Variants in BRINP1 observed in about 807,000 individuals in gnomAD.
BRINP1 encodes the protein BMP/retinoic acid-inducible neural-specific protein 1.
In BRINP1, 17 loss-of-function variants were observed where a neutral mutation model predicts 72.9. That is an observed-to-expected ratio of 0.23 (90% CI 0.16 to 0.35). The LOEUF (loss-of-function observed/expected upper bound fraction) is 0.35, where lower values mean the gene tolerates loss of function less well. Ranked by LOEUF, BRINP1 falls within the 10% of genes least tolerant of loss-of-function variation. BRINP1 has a pLI of 1.00. For synonymous variants in BRINP1, 418 were observed against 378.5 expected (o/e 1.10, Z -1.21); for missense variants, 850 against 1,001.6 (o/e 0.85, Z 2.04).
intron 7 of BRINP1, among the ~76,000 whole-genome samples, chr9:119,174,097 G>A (rs1354853367): frequency 6.9e-6 from 1 of 145,576 alleles, no homozygotes; most frequent in Non-Finnish European, 1.5e-5. Flanking sequence ...AATGGCAACT[G>A]AAGACAAAAT....
At chr9:119,211,643 C>G (rs768964130) in intron 6 of BRINP1, among the ~76,000 whole-genome samples, 43 of 152,220 alleles carry the variant, frequency 2.8e-4, no homozygotes, top group Non-Finnish European at 5.1e-4. Context: ...TTGGGCTGGT[C>G]ATTAATCTCT....
At chr9:119,282,132 G>T (rs1047137535) in intron 2 of BRINP1, among the ~76,000 whole-genome samples, 3 of 152,102 alleles carry the variant, frequency 2.0e-5, no homozygotes, top group Non-Finnish European at 4.4e-5. Context: ...ACCCTCTGAG[G>T]GTTTGAATAG....
intron 1 of BRINP1, among the ~76,000 whole-genome samples, chr9:119,322,781 G>A (rs1256029645): frequency 1.3e-5 from 2 of 152,116 alleles, no homozygotes; most frequent in Non-Finnish European, 2.9e-5. Context: ...GACCTTCAAA[G>A]CTGAGTGACC....
At position 119,368,004 on chromosome 9, in the gene BRINP1, A is replaced by C. The variant is rs79588058; in HGVS notation, c.-51+1052T>G. ...CGAATCTGTCTTAGGAAAGTGCCCC[A>C]TCCATCTCCTTCCATATCATCCACA... is the stretch of plus-strand genomic sequence containing the variant. On this transcript the variant is annotated intron_variant, in intron 1 of 7. Coordinates refer to ENST00000265922, the MANE Select transcript of BRINP1 (RefSeq NM_014618.3). This position sits in a 1 kb window ranked among gnomAD's most constrained non-coding sequence, Gnocchi z 4.7. 0.11 allele frequency among the ~76,000 whole-genome samples: 16,510 copies of C among 152,228 alleles called. 1,169 individuals are homozygous for C. Among genetic ancestry groups the C allele is most frequent in the Middle Eastern group, 0.15 (45 of 294 alleles).
At chr9:119,255,885 G>A (rs1830441388) in intron 2 of BRINP1, among the ~76,000 whole-genome samples, 1 of 150,298 alleles carries the variant, frequency 6.7e-6, no homozygotes, top group Admixed American at 6.6e-5. Flanking sequence ...AACCCGGGAG[G>A]CGGAGGCTGC....
At chr9:119,232,264 A>G (rs949437108) in intron 5 of BRINP1, among the ~76,000 whole-genome samples, 3 of 152,148 alleles carry the variant, frequency 2.0e-5, no homozygotes, top group African/African-American at 7.2e-5. Context: ...CTTCATTGCA[A>G]CTGTCATGAT....
chr9:119,178,914 G>T (rs745575638), intron 7 of BRINP1, among the ~76,000 whole-genome samples: 1 of 152,152 alleles, frequency 6.6e-6, no homozygotes, highest in Non-Finnish European at 1.5e-5. Context: ...GAAAAATACT[G>T]AAAGTTTGAG....
intron 7 of BRINP1, among the ~76,000 whole-genome samples, chr9:119,198,756 C>G (rs988704527): frequency 2.0e-5 from 3 of 151,708 alleles, no homozygotes; most frequent in African/African-American, 7.3e-5. Context: ...ACTGCAATCT[C>G]CGCCTCCCAG....
chr9:119,300,057 C>G (rs1183937613), intron 2 of BRINP1, among the ~76,000 whole-genome samples: 1 of 152,172 alleles, frequency 6.6e-6, no homozygotes, highest in Admixed American at 6.5e-5. Context: ...TCGTTTCACA[C>G]CCCACTTCAC....
chr9:119,331,826 G>T (rs544515873), intron 1 of BRINP1, among the ~76,000 whole-genome samples: 2 of 152,248 alleles, frequency 1.3e-5, no homozygotes, highest in South Asian at 4.2e-4. Flanking sequence ...AAATCGCCAG[G>T]GATGCTTAAT....
chr9:119,364,597 C>T (rs1478679107), intron 1 of BRINP1, among the ~76,000 whole-genome samples: 1 of 152,178 alleles, frequency 6.6e-6, no homozygotes, highest in Non-Finnish European at 1.5e-5. Flanking sequence ...ACCATTAACT[C>T]AGTGGTCCAG....
chr9:119,253,710 T>C (rs755103073), intron 2 of BRINP1, among the ~76,000 whole-genome samples: 11 of 151,954 alleles, frequency 7.2e-5, no homozygotes, highest in Non-Finnish European at 1.0e-4. Context: ...ATGAGCTCCA[T>C]GTGCAAAAAT....
intron 1 of BRINP1, among the ~76,000 whole-genome samples, chr9:119,318,849 G>C (rs1464959536): frequency 1.1e-4 from 8 of 74,108 alleles, no homozygotes; most frequent in African/African-American, 1.8e-4. Context: ...TGTGGGGTGT[G>C]TGTGTGTGTG....
chr9:119,261,815 C>G (rs554237826), intron 2 of BRINP1, among the ~76,000 whole-genome samples: 2 of 147,926 alleles, frequency 1.4e-5, no homozygotes, highest in East Asian at 4.0e-4. Context: ...TCCTTTCTTC[C>G]TTCGTTTATT....
At chr9:119,239,060 T>C (rs998814490) in intron 4 of BRINP1, among the ~76,000 whole-genome samples, 3 of 152,210 alleles carry the variant, frequency 2.0e-5, no homozygotes, top group African/African-American at 7.2e-5. Flanking sequence ...TTCAAAAGCA[T>C]TGGCTTTGGA....
At chr9:119,257,909 G>A (rs1426496820) in intron 2 of BRINP1, among the ~76,000 whole-genome samples, 2 of 152,080 alleles carry the variant, frequency 1.3e-5, no homozygotes, top group Admixed American at 6.5e-5. Context: ...CAACTGGCAA[G>A]GCAGCTGAGA....
intron 5 of BRINP1, among the ~76,000 whole-genome samples, chr9:119,236,883 G>T (rs574974676): frequency 2.0e-4 from 31 of 152,094 alleles, no homozygotes; most frequent in Non-Finnish European, 4.0e-4. Flanking sequence ...TAAGTTTCTA[G>T]TGTGTTGTGT....
At chr9:119,261,580 G>C (rs554904872) in intron 2 of BRINP1, among the ~76,000 whole-genome samples, 2 of 152,126 alleles carry the variant, frequency 1.3e-5, no homozygotes, top group African/African-American at 4.8e-5. Flanking sequence ...CCATCAAATT[G>C]TCCTCAGTTC....
chr9:119,333,135 G>A (rs1447379965), intron 1 of BRINP1, among the ~76,000 whole-genome samples: 3 of 151,728 alleles, frequency 2.0e-5, no homozygotes, highest in Middle Eastern at 6.8e-3. Flanking sequence ...AATCTAGTGT[G>A]GCTTGTGAGT....
Sources: gnomAD v4.1 joint callset for allele counts (sites outside exome capture counted in the v4.1 genomes callset) on GRCh38, gnomAD v4.1.1 for gene constraint, Gnocchi (gnomAD v3.1) non-coding constraint, MANE v1.5 for transcripts, NCBI Gene and HGNC (gene_info 2026-07-23, HGNC 2026-07-21) for gene names.